Variants in SPAG16 observed in about 807,000 individuals in gnomAD.
SPAG16 encodes the protein sperm-associated antigen 16 protein.
A neutral mutation model predicts 80.4 loss-of-function variants in SPAG16; 86 were observed. The ratio of observed to expected loss-of-function variants is 1.07; its 90% CI spans 0.90 to 1.28. The LOEUF (loss-of-function observed/expected upper bound fraction) is 1.28. Ranked by LOEUF, SPAG16 falls within the 50% of genes most tolerant of loss-of-function variation. SPAG16 has a pLI of 0.00. For synonymous variants in SPAG16, 294 were observed against 265.9 expected (o/e 1.11, Z -1.03); for missense variants, 870 against 765.3 (o/e 1.14, Z -1.61).
chr2:214,171,357 G>T (rs900143619), intron 15 of SPAG16, among the ~76,000 whole-genome samples: 3 of 151,876 alleles, frequency 2.0e-5, no homozygotes, highest in African/African-American at 7.2e-5. Context: ...CTTTATCAGT[G>T]TTCTTTTCTC....
At chr2:214,000,179 T>G (rs531001150) in intron 12 of SPAG16, among the ~76,000 whole-genome samples, 1 of 152,296 alleles carries the variant, frequency 6.6e-6, no homozygotes, top group African/African-American at 2.4e-5. Flanking sequence ...CATCTTGAAT[T>G]GTACTCCCAT....
chr2:214,140,951 GGGT>G (rs1176047187), intron 14 of SPAG16, among the ~76,000 whole-genome samples: 25 of 89,246 alleles, frequency 2.8e-4, no homozygotes, highest in Admixed American at 6.2e-4. Context: ...GGGGGGTGGG[GGGT>G]GGGGGGATGT....
chr2:213,352,614 C>A (rs1261066435), intron 7 of SPAG16, among the ~76,000 whole-genome samples: 3 of 151,992 alleles, frequency 2.0e-5, no homozygotes, highest in East Asian at 3.9e-4. Flanking sequence ...TGTAAAACAC[C>A]CAAGTGAGGA....
intron 13 of SPAG16, among the ~76,000 whole-genome samples, chr2:214,029,429 T>G (rs1003825731): frequency 1.3e-5 from 2 of 151,986 alleles, no homozygotes; most frequent in African/African-American, 4.8e-5. Flanking sequence ...TTGGAGGGCT[T>G]CGAGCAAAGA....
chr2:213,954,541 A>G (rs2044018822), intron 12 of SPAG16, among the ~76,000 whole-genome samples: 1 of 152,132 alleles, frequency 6.6e-6, no homozygotes, highest in Non-Finnish European at 1.5e-5. Flanking sequence ...ATACACGTAT[A>G]GAATGTGCAG....
chr2:213,526,390 T>C (rs995877202), intron 10 of SPAG16, among the ~76,000 whole-genome samples: 1 of 152,204 alleles, frequency 6.6e-6, no homozygotes, highest in African/African-American at 2.4e-5. Flanking sequence ...TTTAATTCTA[T>C]ACACCTACTA....
intron 10 of SPAG16, among the ~76,000 whole-genome samples, chr2:213,646,015 C>T (rs1280003043): frequency 1.3e-5 from 2 of 152,156 alleles, no homozygotes; most frequent in Non-Finnish European, 2.9e-5. Flanking sequence ...GTTCAGTTTT[C>T]TTTTCTGTTC....
At chr2:213,831,913 C>T (rs573235528) in intron 10 of SPAG16, among the ~76,000 whole-genome samples, 6 of 152,154 alleles carry the variant, frequency 3.9e-5, no homozygotes, top group Middle Eastern at 3.4e-3. Context: ...TAAGAGAAAA[C>T]GCAGTCTTGC....
intron 14 of SPAG16, among the ~76,000 whole-genome samples, chr2:214,145,067 G>A (rs2055569902): frequency 6.6e-6 from 1 of 151,918 alleles, no homozygotes; most frequent in African/African-American, 2.4e-5. Context: ...AATGCCATAA[G>A]ATATGTTTAT....
Position 213,899,902 on chromosome 2 carries a change from T to G in SPAG16, c.1215-30058T>G, listed in dbSNP as rs149070664. ...ATTGACCTGAGTTTTACTTAGAACC[T>G]TCACAAGTTTGTGAAAAACAATTCT... On this transcript the variant is annotated intron_variant, in intron 11 of 15. Coordinates refer to ENST00000331683, the MANE Select transcript of SPAG16 (RefSeq NM_024532.5). Among the ~76,000 whole-genome samples, 756 of 152,276 alleles carry G rather than the reference T, an allele frequency of 5.0e-3. 22 individuals are homozygous for G. In the East Asian group the frequency reaches 0.066, roughly 13 times the overall value.
chr2:214,206,369 CAT>C (rs1156978759), intron 15 of SPAG16, among the ~76,000 whole-genome samples: 2 of 152,128 alleles, frequency 1.3e-5, no homozygotes, highest in Non-Finnish European at 2.9e-5. Flanking sequence ...TGAGTGAGAA[CAT>C]GTAATATTTG....
At chr2:214,097,409 T>A (rs1576178763) in intron 13 of SPAG16, among the ~76,000 whole-genome samples, 1 of 152,042 alleles carries the variant, frequency 6.6e-6, no homozygotes, top group African/African-American at 2.4e-5. Flanking sequence ...GGCTGGCAGG[T>A]GCACTTGAAG....
intron 9 of SPAG16, among the ~76,000 whole-genome samples, chr2:213,468,696 G>A (rs2072895698): frequency 6.8e-6 from 1 of 146,480 alleles, no homozygotes; most frequent in African/African-American, 2.5e-5. Flanking sequence ...GTATATGTGT[G>A]TATATATATA....
chr2:214,220,771 T>C (rs890842627), intron 15 of SPAG16, among the ~76,000 whole-genome samples: 9 of 152,190 alleles, frequency 5.9e-5, no homozygotes, highest in African/African-American at 2.2e-4. Context: ...GGGGCTTTTT[T>C]ACTTAAAACG....
At chr2:214,200,275 C>T (rs552787782) in intron 15 of SPAG16, among the ~76,000 whole-genome samples, 3 of 152,100 alleles carry the variant, frequency 2.0e-5, no homozygotes, top group East Asian at 1.9e-4. Flanking sequence ...ATGCCAATGT[C>T]GTTGAGGGTT....
chr2:214,254,575 A>G (rs1022839786), intron 15 of SPAG16, among the ~76,000 whole-genome samples: 4 of 152,044 alleles, frequency 2.6e-5, no homozygotes, highest in Admixed American at 2.6e-4. Context: ...AGAGACCTGA[A>G]TAGCCAAATT....
intron 9 of SPAG16, among the ~76,000 whole-genome samples, chr2:213,412,160 C>T (rs2069009115): frequency 6.6e-6 from 1 of 152,174 alleles, no homozygotes; most frequent in Non-Finnish European, 1.5e-5. Flanking sequence ...TTCTGATCAC[C>T]TGCTCCACCC....
chr2:214,125,111 C>A (rs1396051311), intron 14 of SPAG16, among the ~76,000 whole-genome samples: 1 of 151,040 alleles, frequency 6.6e-6, no homozygotes, highest in Non-Finnish European at 1.5e-5. Context: ...GTGAAAGAAC[C>A]TTTTGTTTCT....
chr2:213,910,536 T>C (rs1224430762), intron 11 of SPAG16, among the ~76,000 whole-genome samples: 1 of 87,448 alleles, frequency 1.1e-5, no homozygotes, highest in African/African-American at 3.0e-5. Context: ...TCGCCCAGGC[T>C]GGAGTGCAGT....
Sources: gnomAD v4.1 joint callset for allele counts (sites outside exome capture counted in the v4.1 genomes callset) on GRCh38, gnomAD v4.1.1 for gene constraint, MANE v1.5 for transcripts, NCBI Gene and HGNC (gene_info 2026-07-23, HGNC 2026-07-21) for gene names.